SLC4A10: variants seen among roughly 807,000 people sequenced by gnomAD.
SLC4A10 encodes sodium-driven chloride bicarbonate exchanger.
SLC4A10 carries 42 observed loss-of-function variants against 137.7 expected under a neutral mutation model. That is an observed-to-expected ratio of 0.30 (90% CI 0.24 to 0.39). The LOEUF (loss-of-function observed/expected upper bound fraction) is 0.39, where lower values mean the gene tolerates loss of function less well. Ranked by LOEUF, SLC4A10 falls within the 10% of genes least tolerant of loss-of-function variation. The pLI is 1.00. For missense variants in SLC4A10, 925 were observed against 1,355.0 expected (o/e 0.68, Z 4.98); for synonymous variants, 474 against 464.1 (o/e 1.02, Z -0.27).
Position 161,711,958 on chromosome 2 carries a change from G to A in SLC4A10, c.49-59015G>A, listed in dbSNP as rs547841542. ...CATATTATTGTCAACATCCTTTGTC[G>A]ACAGACTTTGTTATAGACATTCTAA... On this transcript the variant is annotated intron_variant, in intron 1 of 26. Transcript: ENST00000446997. Among the ~76,000 whole-genome samples the A allele has an allele frequency of 1.1e-4, 17 of 151,852 alleles. No homozygotes were observed. In the East Asian group the frequency reaches 1.2e-3, roughly 10 times the overall value.
intron 1 of SLC4A10, among the ~76,000 whole-genome samples, chr2:161,641,262 T>C (rs1175087476): frequency 6.6e-6 from 1 of 152,222 alleles, no homozygotes; most frequent in Non-Finnish European, 1.5e-5. Context: ...CTTTCATTTA[T>C]GTCATTTCTT....
chr2:161,736,181 C>G (rs2047323857), intron 1 of SLC4A10, among the ~76,000 whole-genome samples: 1 of 150,848 alleles, frequency 6.6e-6, no homozygotes, highest in South Asian at 2.1e-4. Flanking sequence ...TGTTTTATTG[C>G]CCTAAGTAAT....
chr2:161,774,316 T>C (rs1323681358), intron 2 of SLC4A10, among the ~76,000 whole-genome samples: 4 of 152,072 alleles, frequency 2.6e-5, no homozygotes, highest in Middle Eastern at 6.8e-3. Flanking sequence ...AAACATAAGA[T>C]GCCCAGATAA....
chr2:161,805,245 A>G (rs1480590807), intron 3 of SLC4A10, among the ~76,000 whole-genome samples: 2 of 152,150 alleles, frequency 1.3e-5, no homozygotes, highest in Non-Finnish European at 2.9e-5. Context: ...CTCATTATTC[A>G]ATTAACTCCC....
intron 5 of SLC4A10, among the ~76,000 whole-genome samples, chr2:161,859,530 C>T (rs2060292981): frequency 6.8e-6 from 1 of 146,834 alleles, no homozygotes; most frequent in South Asian, 2.2e-4. Context: ...ACTAGTTTTT[C>T]TAGAGTCTGC....
rs971625361 is a variant in SLC4A10, at chr2:161,914,221, A to G, written c.1997+8334A>G. 2.0e-5 allele frequency among the ~76,000 whole-genome samples: 3 copies of G among 152,312 alleles called. No individual in the cohort carries two copies. The East Asian group carries it at 5.8e-4, about 29-fold the overall frequency. On this transcript the variant is annotated intron_variant, in intron 15 of 26. Transcript: ENST00000446997. Reference sequence around the variant, plus strand: ...CTTATGCATTTTACATTTATTATTTAACATACTGGAAAATATCAAGTGAAG... The same window carrying G: ...CTTATGCATTTTACATTTATTATTTGACATACTGGAAAATATCAAGTGAAG...
chr2:161,783,116 A>G (rs1178797992), intron 2 of SLC4A10, among the ~76,000 whole-genome samples: 2 of 152,062 alleles, frequency 1.3e-5, no homozygotes, highest in East Asian at 1.9e-4. Flanking sequence ...GGGAAATTTC[A>G]TAAGAGTATA....
At chr2:161,850,372 A>G (rs2059760802) in intron 4 of SLC4A10, among the ~76,000 whole-genome samples, 1 of 152,206 alleles carries the variant, frequency 6.6e-6, no homozygotes, top group Non-Finnish European at 1.5e-5. Context: ...TCTGGGTGAC[A>G]GAGCAAGACT....
At chr2:161,818,213 G>T (rs9679015) in intron 3 of SLC4A10, among the ~76,000 whole-genome samples, 120,422 of 152,010 alleles carry the variant, frequency 0.79, 48,528 homozygotes, top group East Asian at 0.98. Context: ...TTAAGTTGGA[G>T]TTCTAGGTAT....
intron 6 of SLC4A10, among the ~76,000 whole-genome samples, chr2:161,871,592 A>G (rs1286725190): frequency 6.6e-6 from 1 of 152,188 alleles, no homozygotes; most frequent in South Asian, 2.1e-4. Context: ...GAAAAGAACT[A>G]CAAGATAATT....
chr2:161,646,778 G>A (rs1425896189), intron 1 of SLC4A10, among the ~76,000 whole-genome samples: 1 of 151,918 alleles, frequency 6.6e-6, no homozygotes, highest in Non-Finnish European at 1.5e-5. Context: ...CATATCCAGT[G>A]CCATAGATAT....
At chr2:161,717,553 G>A (rs148156506) in intron 1 of SLC4A10, among the ~76,000 whole-genome samples, 24 of 152,214 alleles carry the variant, frequency 1.6e-4, no homozygotes, top group Non-Finnish European at 2.6e-4. Flanking sequence ...AGATAATCAC[G>A]TGGCTTTTTT....
At chr2:161,914,552 G>T (rs1686639846) in intron 15 of SLC4A10, among the ~76,000 whole-genome samples, 1 of 152,034 alleles carries the variant, frequency 6.6e-6, no homozygotes. Context: ...TATCTTCATG[G>T]TCTATAAAAC....
At position 161,771,040 on chromosome 2, in the gene SLC4A10, A is replaced by G. The variant is rs754019335; in HGVS notation, c.116A>G (p.Lys39Arg). 1 of 1,600,858 alleles carries G rather than the reference A, an allele frequency of 6.2e-7. No individual in the cohort carries two copies. The highest frequency in any genetic ancestry group is 8.5e-7 in the Non-Finnish European group (1 of 1,172,662). ...TRSILKTHFE[K>R]EDLEGHRTLF... The stretch of plus-strand genomic sequence containing the variant: ...TCTATTCTCAAAACACACTTTGAGA[A>G]AGAAGATTTAGAAGGTAAGACCATT... The change falls in exon 2 of 27, where the codon AAA becomes AGA. Residue 39 changes from lysine to arginine, a missense_variant. Coordinates refer to ENST00000446997, the MANE Select transcript of SLC4A10 (RefSeq NM_001178015.2).
At chr2:161,668,123 C>T (rs987852340) in intron 1 of SLC4A10, among the ~76,000 whole-genome samples, 12 of 151,802 alleles carry the variant, frequency 7.9e-5, no homozygotes, top group East Asian at 1.9e-4. Context: ...ACTCTGGCAA[C>T]GAAACTTTGA....
chr2:161,811,908 A>C (rs1321767796), intron 3 of SLC4A10, among the ~76,000 whole-genome samples: 1 of 152,076 alleles, frequency 6.6e-6, no homozygotes, highest in African/African-American at 2.4e-5. Flanking sequence ...TCTTTGAAAC[A>C]TGATAGAGTC....
intron 1 of SLC4A10, among the ~76,000 whole-genome samples, chr2:161,746,449 TA>T (rs2125277082): frequency 1.3e-5 from 2 of 152,166 alleles, no homozygotes; most frequent in Non-Finnish European, 2.9e-5. Flanking sequence ...CAACAGGTCG[TA>T]AATTCTGCCA....
At chr2:161,930,338 T>G (rs980675436) in intron 15 of SLC4A10, among the ~76,000 whole-genome samples, 9 of 150,776 alleles carry the variant, frequency 6.0e-5, no homozygotes, top group African/African-American at 2.0e-4. Flanking sequence ...AGGAGTGATT[T>G]GCAGATTTAA....
At chr2:161,848,844 G>A (rs377412213) in intron 4 of SLC4A10, among the ~76,000 whole-genome samples, 22 of 152,124 alleles carry the variant, frequency 1.4e-4, no homozygotes, top group African/African-American at 4.8e-4. Flanking sequence ...TTTTTGTTCA[G>A]GATCACTTTG....
Sources: allele counts gnomAD v4.1 joint callset (sites outside exome capture counted in the v4.1 genomes callset), GRCh38; gene constraint gnomAD v4.1.1; transcripts MANE v1.5; gene names NCBI Gene and HGNC (gene_info 2026-07-23, HGNC 2026-07-21).